The following ZNF695 variants were observed in gnomAD, a reference collection of about 807,000 sequenced individuals.
ZNF695 encodes the protein zinc finger protein SBZF3.
In ZNF695, 11 loss-of-function variants were observed where a neutral mutation model predicts 11.2. The observed-to-expected ratio is 0.98, with a 90% CI of 0.62 to 1.62. The LOEUF (loss-of-function observed/expected upper bound fraction) is 1.62. Ranked by LOEUF, ZNF695 falls within the 40% of genes most tolerant of loss-of-function variation. ZNF695 has a pLI of 0.00. For synonymous variants in ZNF695, 190 were observed against 201.4 expected (o/e 0.94, Z 0.48); for missense variants, 559 against 590.5 (o/e 0.95, Z 0.55).
chr1:246,973,015 G>T (rs1276284214), intron 4 of ZNF695, among the ~76,000 whole-genome samples: 1 of 146,346 alleles, frequency 6.8e-6, no homozygotes, highest in Non-Finnish European at 1.5e-5. Flanking sequence ...AAGAGTAATA[G>T]GAAATTTCCT....
intron 1 of ZNF695, among the ~76,000 whole-genome samples, chr1:247,005,701 C>T (rs1013659109): frequency 2.0e-5 from 3 of 151,648 alleles, no homozygotes; most frequent in African/African-American, 7.3e-5. Context: ...ACAAAAAAAA[C>T]GATAAAAAAC....
At chr1:246,958,980 A>T (rs1668079230) in intron 5 of ZNF695, among the ~76,000 whole-genome samples, 1 of 151,818 alleles carries the variant, frequency 6.6e-6, no homozygotes. Context: ...CTCTCCTCAG[A>T]TGTCAGCGAA....
At position 246,947,710 on chromosome 1, in the gene ZNF695, C is replaced by A. The variant is rs1572500063; in HGVS notation, c.489-1883G>T. ...AATCCCACGGATGGATAATTCTATCCATAATGGGTACAGACATCACTTGTT... is the reference window on the plus strand; with the variant it reads ...AATCCCACGGATGGATAATTCTATCAATAATGGGTACAGACATCACTTGTT... On this transcript the variant is annotated intron_variant, in intron 5 of 5. Coordinates refer to the ZNF695 transcript ENST00000487338. Among the ~76,000 whole-genome samples, 3 of 152,160 alleles carry A rather than the reference C, an allele frequency of 2.0e-5. No individual in the cohort carries two copies. The East Asian group carries it at 5.8e-4, about 29-fold the overall frequency.
chr1:246,982,919 T>A (rs1668746244), downstream of ZNF695, among the ~76,000 whole-genome samples: 1 of 146,110 alleles, frequency 6.8e-6, no homozygotes, highest in Non-Finnish European at 1.5e-5. Flanking sequence ...AAAACAATTT[T>A]CTGGCCGGGC....
chr1:246,983,191 G>A (rs369418181), downstream of ZNF695, among the ~76,000 whole-genome samples: 92 of 148,048 alleles, frequency 6.2e-4, 2 homozygotes, highest in Middle Eastern at 3.6e-3. Flanking sequence ...GTGACAGAGC[G>A]AGACTCTGTC....
chr1:246,994,213 A>G (rs1271765652), intron 3 of ZNF695, among the ~76,000 whole-genome samples: 1 of 152,054 alleles, frequency 6.6e-6, no homozygotes. Context: ...GAGAAAAAAA[A>G]TTTGTATGTG....
chr1:246,987,572 T>C lies in ZNF695; in HGVS notation c.943A>G (p.Lys315Glu), dbSNP rs199905606. ...FKLFPYLTQH[K>E]RIHSREKPYK... The stretch of plus-strand genomic sequence containing the variant: ...GGTTTCTCTCTACTATGAATTCTCT[T>C]GTGTTGAGTAAGGTATGGGAACAAC... Residue 315 changes from lysine to glutamate, a missense_variant, in exon 4 of 4, where the codon AAG (lysine) becomes GAG (glutamate). Lys to Glu is a moderately conservative substitution (Grantham distance 56). Coordinates refer to ENST00000339986, the MANE Select transcript of ZNF695 (RefSeq NM_020394.5). The C allele has an allele frequency of 1.8e-4, 295 of 1,598,612 alleles. No individual in the cohort carries two copies. In the African/African-American group the frequency reaches 3.8e-3, roughly 21 times the overall value.
At chr1:246,996,795 A>G (rs1281334373) in intron 3 of ZNF695, among the ~76,000 whole-genome samples, 4 of 152,216 alleles carry the variant, frequency 2.6e-5, no homozygotes, top group Admixed American at 6.5e-5. Flanking sequence ...AGACTGTACG[A>G]ATCCATTTAT....
At chr1:246,950,650 C>T (rs1474585535) in intron 5 of ZNF695, among the ~76,000 whole-genome samples, 2 of 105,376 alleles carry the variant, frequency 1.9e-5, no homozygotes, top group African/African-American at 8.3e-5. Context: ...AACTCCGTTT[C>T]AAAAAAAAAA....
intron 4 of ZNF695, among the ~76,000 whole-genome samples, chr1:246,976,092 G>C (rs1355379615): frequency 6.6e-6 from 1 of 152,132 alleles, no homozygotes; most frequent in Non-Finnish European, 1.5e-5. Context: ...GCTGGTGAGG[G>C]AGACGCTGAG....
At chr1:246,959,313 ATAT>A (rs1668101321) in intron 5 of ZNF695, among the ~76,000 whole-genome samples, 24 of 39,476 alleles carry the variant, frequency 6.1e-4, no homozygotes, top group African/African-American at 9.3e-4. Flanking sequence ...AAAAAAAAAT[ATAT>A]ATATATATAT....
intron 4 of ZNF695, among the ~76,000 whole-genome samples, chr1:246,977,877 A>T (rs1668609365): frequency 1.3e-5 from 2 of 152,188 alleles, no homozygotes; most frequent in Admixed American, 1.3e-4. Flanking sequence ...CATTGTGCTC[A>T]AGCTCACTCC....
chr1:246,953,162 G>C (rs188646952), intron 5 of ZNF695, among the ~76,000 whole-genome samples: 1 of 152,092 alleles, frequency 6.6e-6, no homozygotes, highest in Admixed American at 6.6e-5. Flanking sequence ...TTTGGAGGGA[G>C]GCTTAAGGGA....
intron 5 of ZNF695, among the ~76,000 whole-genome samples, chr1:246,953,956 A>AG (rs1175055959): frequency 1.3e-5 from 2 of 151,730 alleles, no homozygotes; most frequent in Non-Finnish European, 2.9e-5. Flanking sequence ...AAAAAAAAAA[A>AG]AAAAAGAAAC....
At chr1:246,947,102 T>G (rs1667753899) in intron 5 of ZNF695, among the ~76,000 whole-genome samples, 1 of 136,608 alleles carries the variant, frequency 7.3e-6, no homozygotes, top group Non-Finnish European at 1.5e-5. Context: ...ATCGGGCCAC[T>G]GCACTCCAGC....
Position 246,987,191 on chromosome 1 carries a change from C to T in ZNF695, c.1324G>A (p.Gly442Ser), listed in dbSNP as rs375317529. The change falls in exon 4 of 4, where the codon GGC becomes AGC. Residue 442 changes from glycine (G) to serine (S), a missense_variant. By Grantham distance (56) the Gly-to-Ser change is moderately conservative. Transcript: ENST00000339986. ...GEKPYKCDEC[G>S]KAFNWFSYLT... ...TATGAAAACCAGTTAAAAGCTTTGC[C>T]ACATTCATCACATTTGTAGGGTTTC... The T allele has an allele frequency of 4.2e-5, 68 of 1,613,682 alleles. No homozygotes were observed. Among genetic ancestry groups the T allele is most frequent in the Non-Finnish European group, 5.6e-5 (66 of 1,179,964 alleles).
intron 3 of ZNF695, among the ~76,000 whole-genome samples, chr1:246,993,216 G>C (rs992847366): frequency 1.3e-5 from 2 of 152,152 alleles, no homozygotes; most frequent in Admixed American, 1.3e-4. Context: ...AGACCAGCCT[G>C]GCCAACACGG....
At position 246,985,733 on chromosome 1, in the gene ZNF695, T is replaced by C. The variant is rs1668830627; in HGVS notation, c.*1234A>G. On this transcript the variant is annotated 3_prime_UTR_variant, in exon 4 of 4. Coordinates refer to ENST00000339986, the MANE Select transcript of ZNF695 (RefSeq NM_020394.5). ...CTTGTAAAACTCAAATGTTTCTTTC[T>C]TAAATATAATGCAGAATAGTACTCT... 1 of 984,954 alleles carries C rather than the reference T, an allele frequency of 1.0e-6. No individual in the cohort carries two copies. The highest frequency in any genetic ancestry group is 1.7e-5 in the African/African-American group (1 of 57,246). The allele number at this position is 984,954 out of a possible 1,614,324, so 61.0% of individuals were successfully genotyped here. A position where few individuals can be genotyped will look rare whatever the true frequency, so the allele number is the denominator to read the frequency against.
intron 3 of ZNF695, among the ~76,000 whole-genome samples, chr1:246,990,664 T>G (rs1355563886): frequency 6.6e-6 from 1 of 152,202 alleles, no homozygotes; most frequent in Non-Finnish European, 1.5e-5. Flanking sequence ...AGAATACACA[T>G]TGTTTTCCTC....
Sources: gnomAD v4.1 joint callset for allele counts (sites outside exome capture counted in the v4.1 genomes callset) on GRCh38, gnomAD v4.1.1 for gene constraint, MANE v1.5 for transcripts, NCBI Gene and HGNC (gene_info 2026-07-23, HGNC 2026-07-21) for gene names.